The following PANK4 variants were observed in gnomAD, a reference collection of about 807,000 sequenced individuals.
The protein encoded by PANK4 is pantothenate kinase 4 (inactive), also known as 4'-phosphopantetheine phosphatase.
A neutral mutation model predicts 87.9 loss-of-function variants in PANK4; 40 were observed. That is an observed-to-expected ratio of 0.46 (90% CI 0.35 to 0.59). The LOEUF (loss-of-function observed/expected upper bound fraction) is 0.59. PANK4 is among the 20% of genes least tolerant of loss of function. The pLI is 0.00. For synonymous variants in PANK4, 524 were observed against 467.4 expected, an observed-to-expected ratio of 1.12 and a Z score of -1.56; for missense variants, 926 against 1,072.3, an observed-to-expected ratio of 0.86 and a Z score of 1.90.
rs147650682 is a variant in PANK4 at position 2,518,653 on chromosome 1, C to T, written c.1036-56G>A. ...TGGCCCCACACAACACCCGGTGCCT[C>T]CGCAAACCAGCTCAACGTGCGCGGG... On this transcript the variant is annotated intron_variant, in intron 7 of 18. Transcript: ENST00000378466. 6,539 of 1,422,332 alleles carry T rather than the reference C, an allele frequency of 4.6e-3. 12 individuals carry two copies. The highest frequency in any genetic ancestry group is 5.6e-3 in the Non-Finnish European group (5,786 of 1,030,142). 88.1% of individuals were successfully genotyped at this position (1,422,332 alleles called of 1,614,324 possible). A position where few individuals can be genotyped will look rare whatever the true frequency, so the allele number is the denominator to read the frequency against.
Position 2,518,577 on chromosome 1 carries a change from A to G in PANK4, c.1056T>C (p.Phe352=). Residue 352 remains phenylalanine (F), a synonymous_variant, in exon 8 of 19, where the codon TTT becomes TTC. Transcript: ENST00000378466. ...CTCCCAGGTAGCCTTCGTGCCTCAG[A>G]AACAGCGCCTGCACTTCCCCCTGCC... ...FFSKGEVQAL[F]LRHEGYLGAI... 1 of 1,571,846 alleles carries G rather than the reference A, an allele frequency of 6.4e-7. No individual in the cohort carries two copies. Among genetic ancestry groups the G allele is most frequent in the African/African-American group, 1.4e-5 (1 of 74,060 alleles).
Position 2,518,693 on chromosome 1 carries a change from G to A in PANK4, c.1036-96C>T, listed in dbSNP as rs1643830578. The A allele has an allele frequency of 7.5e-6, 8 of 1,060,888 alleles. No homozygotes were observed. The East Asian group carries it at 1.8e-4, about 24-fold the overall frequency. The allele number at this position is 1,060,888 out of a possible 1,614,324, so 65.7% of individuals were successfully genotyped here. Reference sequence around the variant, plus strand: ...ACGTGCGCGGGCCTCGCACCGCGCGGCCCAAACCCTCGAAGAGGCGCCATG... The same window carrying A: ...ACGTGCGCGGGCCTCGCACCGCGCGACCCAAACCCTCGAAGAGGCGCCATG... On this transcript the variant is annotated intron_variant, in intron 7 of 18. Coordinates refer to ENST00000378466, the MANE Select transcript of PANK4 (RefSeq NM_018216.4).
chr1:2,510,915 T>A lies in PANK4; in HGVS notation c.1834-133A>T, dbSNP rs1643649254. ...TTCAGGGCCCCAGAGATGCCAGGGA[T>A]GGGCTGTCCTGCAGGGGCCGAGACC... is the stretch of plus-strand genomic sequence containing the variant. On this transcript the variant is annotated intron_variant, in intron 15 of 18. Transcript: ENST00000378466. This position sits in a 1 kb window ranked among gnomAD's most constrained non-coding sequence, Gnocchi z 4.9. 1.6e-6 allele frequency: 1 copy of A among 639,014 alleles called. No homozygotes were observed. Among genetic ancestry groups the A allele is most frequent in the Non-Finnish European group, 2.8e-6 (1 of 356,370 alleles). The allele number at this position is 639,014 out of a possible 1,614,324, so 39.6% of individuals were successfully genotyped here.
Position 2,521,689 on chromosome 1 carries a change from T to C in PANK4, c.207+29A>G, listed in dbSNP as rs752256284. 17 of 1,576,652 alleles carry C rather than the reference T, an allele frequency of 1.1e-5. No homozygotes were observed. The African/African-American group carries it at 2.0e-4, about 19-fold the overall frequency. On this transcript the variant is annotated intron_variant, in intron 2 of 18. Transcript: ENST00000378466. ...CAAGACGACAGAGAAGCGGCTGCCC[T>C]GCCCCGGGTGGCCACAGTGCAGGCT...
chr1:2,511,721 A>C (rs773143889), intron 13 of PANK4, 38 bp from the exon 14 acceptor site: 3 of 1,323,208 alleles, frequency 2.3e-6, no homozygotes, highest in Non-Finnish European at 3.3e-6. Context: ...AAGACAACAG[A>C]ACAAAAACCT....
At chr1:2,512,571 T>C (rs544719639) in intron 13 of PANK4, 9 of 394,780 alleles carry the variant, frequency 2.3e-5, no homozygotes, top group Admixed American at 1.3e-4. Flanking sequence ...CTACCACACA[T>C]AGGAAACATG....
At chr1:2,521,560 G>A in intron 2 of PANK4, 158 bp downstream of exon 2, 1 of 756,116 alleles carries the variant, frequency 1.3e-6, no homozygotes. Context: ...GTCTTGAAGG[G>A]ACACGGCGGA....
chr1:2,516,487 G>A (rs962430536), intron 9 of PANK4, among the ~76,000 whole-genome samples: 4 of 152,204 alleles, frequency 2.6e-5, no homozygotes, highest in African/African-American at 9.6e-5. Context: ...CGCAGCAGCC[G>A]CTGCTCTGGG....
At chr1:2,525,708 G>C (rs992413535) in intron 1 of PANK4, 1 of 152,360 alleles carries the variant, frequency 6.6e-6, no homozygotes, top group African/African-American at 2.4e-5. Flanking sequence ...AAAAGGTCTA[G>C]AACAGAGCCT....
chr1:2,518,654 C>A (rs748757947), intron 7 of PANK4, 57 bp from the exon 8 acceptor site: 1 of 1,407,876 alleles, frequency 7.1e-7, no homozygotes, highest in Non-Finnish European at 9.8e-7. Flanking sequence ...CCGGTGCCTC[C>A]GCAAACCAGC....
chr1:2,518,062 T>TCA (rs1365081848), intron 9 of PANK4, 102 bp downstream of exon 9: 1 of 659,972 alleles, frequency 1.5e-6, no homozygotes, highest in East Asian at 2.9e-5. Flanking sequence ...GAGGCGCCTT[T>TCA]CAGCCGGGAC....
Position 2,526,567 on chromosome 1 carries a change from G to T in PANK4, c.21C>A (p.Ser7Arg), listed in dbSNP as rs764140007. ...GACTGTCCCCGCTGCTCCCGCTGCC[G>T]CTCGCTCCACACTCCGCCATTTTGA... MAECGA[S>R]GSGSSGDSLD... The change falls in exon 1 of 19, where the codon AGC becomes AGA. Residue 7 changes from serine to arginine, a missense_variant. By Grantham distance (110) the Ser-to-Arg change is moderately radical (BLOSUM62 -1). Transcript: ENST00000378466. The T allele has an allele frequency of 5.6e-6, 9 of 1,600,970 alleles. No individual in the cohort carries two copies. The highest frequency in any genetic ancestry group is 2.7e-5 in the African/African-American group (2 of 73,906).
At chr1:2,517,146 A>G (rs574375299) in intron 9 of PANK4, among the ~76,000 whole-genome samples, 20 of 152,336 alleles carry the variant, frequency 1.3e-4, no homozygotes, top group South Asian at 2.1e-4. Flanking sequence ...CAGCAGGGCA[A>G]AAGCTGAGAG....
intron 2 of PANK4, 186 bp from the exon 3 acceptor site, chr1:2,521,501 C>T (rs535904442): frequency 1.7e-5 from 12 of 685,948 alleles, no homozygotes; most frequent in Middle Eastern, 3.4e-4. Flanking sequence ...CCAGCAGGAG[C>T]GGAAGCCTCT....
At chr1:2,517,012 G>A (rs1396263590) in intron 9 of PANK4, among the ~76,000 whole-genome samples, 3 of 152,224 alleles carry the variant, frequency 2.0e-5, no homozygotes, top group African/African-American at 7.2e-5. Context: ...TCCTGAACGG[G>A]GCCCCCGAAG....
chr1:2,521,617 C>G (rs777995153), intron 2 of PANK4, 101 bp downstream of exon 2: 74 of 958,394 alleles, frequency 7.7e-5, no homozygotes, highest in Non-Finnish European at 1.3e-4. Context: ...ACACTAAAGT[C>G]GAGGTCTGCA....
Position 2,509,034 on chromosome 1 carries a change from A to T in PANK4, c.2135T>A (p.Leu712Gln), listed in dbSNP as rs1322095791. The T allele has an allele frequency of 6.2e-7, 1 of 1,601,086 alleles. No homozygotes were observed. The highest frequency in any genetic ancestry group is 8.5e-7 in the Non-Finnish European group (1 of 1,179,218). ...LSRLDKGLAALVRERGADLVV... is the reference protein window; with the variant it reads ...LSRLDKGLAAQVRERGADLVV... The stretch of plus-strand genomic sequence containing the variant: ...CAGATCCGCGCCACGCTCCCGCACC[A>T]GTGCGGCCAGCCCCTTATCCAGGCG... Residue 712 changes from leucine (L) to glutamine (Q), a missense_variant, in exon 19 of 19, where the codon CTG (leucine) becomes CAG (glutamine). Leu to Gln is a moderately radical substitution (Grantham distance 113). Coordinates refer to ENST00000378466, the MANE Select transcript of PANK4 (RefSeq NM_018216.4). This position sits in a 1 kb window ranked among gnomAD's most constrained non-coding sequence, Gnocchi z 4.9.
chr1:2,519,723 G>T lies in PANK4; in HGVS notation c.853+78C>A. On this transcript the variant is annotated intron_variant, in intron 6 of 18. Coordinates refer to ENST00000378466, the MANE Select transcript of PANK4 (RefSeq NM_018216.4). This position sits in a 1 kb window ranked among gnomAD's most constrained non-coding sequence, Gnocchi z 8.3. Reference sequence around the variant, plus strand: ...AGGGAGCAGTTGTGGGAAAGCAATGGTGGGGGAAGCTCCTGTCCGTGAGAC... The same window carrying T: ...AGGGAGCAGTTGTGGGAAAGCAATGTTGGGGGAAGCTCCTGTCCGTGAGAC... 1 of 1,396,792 alleles carries T rather than the reference G, an allele frequency of 7.2e-7. No homozygotes were observed. The highest frequency in any genetic ancestry group is 9.6e-7 in the Non-Finnish European group (1 of 1,045,206). 86.5% of individuals were successfully genotyped at this position (1,396,792 alleles called of 1,614,324 possible).
At position 2,514,162 on chromosome 1, in the gene PANK4, G is replaced by A. The variant is rs1197347722; in HGVS notation, c.1488-73C>T. On this transcript the variant is annotated intron_variant, in intron 11 of 18. Coordinates refer to ENST00000378466, the MANE Select transcript of PANK4 (RefSeq NM_018216.4). Reference sequence around the variant, plus strand: ...CCGCCCGTCTGCCATCCTCGGCTGTGCCACGGACGTCCTCAGGAGCCCGGC... The same window carrying A: ...CCGCCCGTCTGCCATCCTCGGCTGTACCACGGACGTCCTCAGGAGCCCGGC... 1.5e-5 allele frequency: 20 copies of A among 1,347,790 alleles called. No individual in the cohort carries two copies. In the East Asian group the frequency reaches 3.7e-4, roughly 25 times the overall value. 83.5% of individuals were successfully genotyped at this position (1,347,790 alleles called of 1,614,324 possible).
Sources: gnomAD v4.1 joint callset for allele counts (sites outside exome capture counted in the v4.1 genomes callset) on GRCh38, gnomAD v4.1.1 for gene constraint, Gnocchi (gnomAD v3.1) non-coding constraint, MANE v1.5 for transcripts, NCBI Gene and HGNC (gene_info 2026-07-23, HGNC 2026-07-21) for gene names.